OPCML: variants seen among roughly 807,000 people sequenced by gnomAD.
The protein encoded by OPCML is opioid binding protein/cell adhesion molecule like.
Under a neutral mutation model 37.8 loss-of-function variants are expected in OPCML, and 13 were observed. That is an observed-to-expected ratio of 0.34 (90% CI 0.22 to 0.55). The LOEUF is 0.55. Ranked by LOEUF, OPCML falls within the 20% of genes least tolerant of loss-of-function variation. The pLI, the probability that OPCML is intolerant of heterozygous loss-of-function variation, is 0.91. For missense variants in OPCML, 341 were observed against 435.6 expected (o/e 0.78, Z 1.93); for synonymous variants, 176 against 168.8 (o/e 1.04, Z -0.33).
At chr11:132,617,599 C>A (rs953647540) in intron 3 of OPCML, among the ~76,000 whole-genome samples, 5 of 152,196 alleles carry the variant, frequency 3.3e-5, no homozygotes, top group South Asian at 2.1e-4. Context: ...GCTGCCAGAA[C>A]AAAATACCAC....
intron 3 of OPCML, among the ~76,000 whole-genome samples, chr11:132,545,208 T>C (rs747371861): frequency 1.3e-5 from 2 of 152,168 alleles, no homozygotes; most frequent in Non-Finnish European, 2.9e-5. Context: ...ATAGTGGTAA[T>C]GTCACTACAC....
At chr11:133,204,878 A>ATATATATATATATATATATGTGTGTG (rs1938977559) in intron 1 of OPCML, among the ~76,000 whole-genome samples, 2 of 25,954 alleles carry the variant, frequency 7.7e-5, no homozygotes, top group Non-Finnish European at 1.9e-4. Context: ...GTATATATAT[A>ATATATATATATATATATATGTGTGTG]TATATATATA....
intron 2 of OPCML, among the ~76,000 whole-genome samples, chr11:132,839,970 G>T (rs1057165594): frequency 2.6e-5 from 4 of 152,166 alleles, no homozygotes; most frequent in African/African-American, 9.7e-5. Flanking sequence ...ATATCATAAA[G>T]TGTCTTGGTT....
intron 1 of OPCML, among the ~76,000 whole-genome samples, chr11:133,375,428 G>T (rs568398447): frequency 1.3e-5 from 2 of 152,286 alleles, no homozygotes; most frequent in Admixed American, 1.3e-4. Context: ...CTATCCTCTG[G>T]CATGAGACAT....
At chr11:133,050,501 G>A (rs1948109648) in intron 1 of OPCML, among the ~76,000 whole-genome samples, 1 of 152,142 alleles carries the variant, frequency 6.6e-6, no homozygotes, top group African/African-American at 2.4e-5. Flanking sequence ...TGCTGGGGGA[G>A]TGGTCTGATG....
chr11:133,402,198 G>C (rs148510436), intron 1 of OPCML, among the ~76,000 whole-genome samples: 55 of 152,154 alleles, frequency 3.6e-4, no homozygotes, highest in African/African-American at 1.3e-3. Context: ...ATGCTGGAAG[G>C]CATCACAGGG....
At chr11:132,691,420 C>T (rs996423717) in intron 2 of OPCML, among the ~76,000 whole-genome samples, 4 of 152,214 alleles carry the variant, frequency 2.6e-5, no homozygotes, top group African/African-American at 9.6e-5. Flanking sequence ...TTGTCCAAGT[C>T]CTTATTTGCA....
chr11:133,322,038 C>T (rs574055775), intron 1 of OPCML, among the ~76,000 whole-genome samples: 1 of 152,120 alleles, frequency 6.6e-6, no homozygotes, highest in African/African-American at 2.4e-5. Context: ...TAACAAATGC[C>T]ATCAACTTTC....
At chr11:132,644,212 T>C (rs1287409635) in intron 3 of OPCML, among the ~76,000 whole-genome samples, 1 of 152,164 alleles carries the variant, frequency 6.6e-6, no homozygotes, top group Non-Finnish European at 1.5e-5. Flanking sequence ...ACCCTGTCTC[T>C]ACTAAAAATA....
At chr11:133,442,875 C>A (rs1416791458) in intron 1 of OPCML, among the ~76,000 whole-genome samples, 1 of 151,876 alleles carries the variant, frequency 6.6e-6, no homozygotes, top group Non-Finnish European at 1.5e-5. Flanking sequence ...TTCACTATTA[C>A]CAATGGGTCT....
intron 2 of OPCML, among the ~76,000 whole-genome samples, chr11:132,815,698 G>A (rs564447625): frequency 1.2e-4 from 19 of 152,286 alleles, no homozygotes; most frequent in African/African-American, 4.1e-4. Context: ...GGTCCCCAAA[G>A]GAGGACATGG....
chr11:132,828,243 G>A (rs913312011), intron 2 of OPCML, among the ~76,000 whole-genome samples: 4 of 152,114 alleles, frequency 2.6e-5, no homozygotes, highest in African/African-American at 4.8e-5. Context: ...GTGGGGGCAG[G>A]AAGGGATGAG....
Position 133,026,309 on chromosome 11 carries a change from T to A in OPCML, c.62-83299A>T, listed in dbSNP as rs374083221. 472 of 913,470 alleles carry A rather than the reference T, an allele frequency of 5.2e-4. 14 individuals carry two copies. In the South Asian group the frequency reaches 0.022, roughly 42 times the overall value. 56.6% of individuals were successfully genotyped at this position (913,470 alleles called of 1,614,324 possible). A position where few individuals can be genotyped will look rare whatever the true frequency, so the allele number is the denominator to read the frequency against. On this transcript the variant is annotated intron_variant, in intron 1 of 7. Coordinates refer to ENST00000524381, the MANE Select transcript of OPCML (RefSeq NM_001012393.5). ...AAATGGATTTGGGGTTTGGGCTTGTTCAGCTGTCAACATTTGATAGTTTTC... is the reference window on the plus strand; with the variant it reads ...AAATGGATTTGGGGTTTGGGCTTGTACAGCTGTCAACATTTGATAGTTTTC...
intron 2 of OPCML, among the ~76,000 whole-genome samples, chr11:132,752,862 G>A (rs1945886056): frequency 6.6e-6 from 1 of 152,142 alleles, no homozygotes; most frequent in East Asian, 1.9e-4. Flanking sequence ...CTCTCAGTTG[G>A]CTCTTGTTGA....
chr11:133,161,309 T>C (rs1328925873), intron 1 of OPCML, among the ~76,000 whole-genome samples: 2 of 152,148 alleles, frequency 1.3e-5, no homozygotes, highest in African/African-American at 4.8e-5. Context: ...GGCATGAGTG[T>C]TATTGGAATT....
intron 4 of OPCML, among the ~76,000 whole-genome samples, chr11:132,527,662 G>C (rs2096312157): frequency 6.6e-6 from 1 of 151,898 alleles, no homozygotes; most frequent in South Asian, 2.1e-4. Flanking sequence ...TCCAGTCTGT[G>C]TCTCCACCGA....
At chr11:132,454,597 G>A (rs1316932591) in intron 4 of OPCML, among the ~76,000 whole-genome samples, 1 of 152,226 alleles carries the variant, frequency 6.6e-6, no homozygotes, top group African/African-American at 2.4e-5. Context: ...GATGATGGGA[G>A]AAGCCAGCAC....
chr11:133,314,798 T>G (rs1451815815), intron 1 of OPCML, among the ~76,000 whole-genome samples: 1 of 152,172 alleles, frequency 6.6e-6, no homozygotes, highest in African/African-American at 2.4e-5. Flanking sequence ...CGCAAAAAAT[T>G]AACGTGCATC....
chr11:132,684,680 T>G (rs1943094329), intron 2 of OPCML, among the ~76,000 whole-genome samples: 1 of 152,212 alleles, frequency 6.6e-6, no homozygotes. Context: ...GTGCTGAATA[T>G]CATCTATACA....
Sources: allele counts gnomAD v4.1 joint callset (sites outside exome capture counted in the v4.1 genomes callset), GRCh38; gene constraint gnomAD v4.1.1; transcripts MANE v1.5; gene names NCBI Gene and HGNC (gene_info 2026-07-23, HGNC 2026-07-21).